Variants in LAMA4 observed in about 807,000 individuals in gnomAD.
LAMA4 encodes the protein laminin subunit alpha 4.
LAMA4 carries 127 observed loss-of-function variants against 207.1 expected under a neutral mutation model. That is an observed-to-expected ratio of 0.61 (90% CI 0.53 to 0.71). LAMA4 has a LOEUF of 0.71. Among genes scored for constraint, LAMA4 ranks in the 30% least tolerant of loss-of-function variants. The pLI is 0.00. For missense variants in LAMA4, 2,093 were observed against 2,246.5 expected (o/e 0.93, Z 1.38); for synonymous variants, 761 against 816.0 (o/e 0.93, Z 1.15).
chr6:112,158,805 G>C lies in LAMA4; in HGVS notation c.1744C>G (p.Leu582Val), dbSNP rs782299829. Residue 582 changes from leucine to valine, a missense_variant, in exon 14 of 39, where the codon CTC (leucine) becomes GTC (valine). Leu to Val is a conservative substitution (Grantham distance 32, BLOSUM62 1). Around this residue, in one of 3 missense-constraint regions of LAMA4, gnomAD observed 1,704 missense variants for 1,788.4 expected, o/e 0.95. Transcript: ENST00000230538. Reference protein sequence around the residue: ...LQVKLSNLSNLSHDLVQEAID... With the variant: ...LQVKLSNLSNVSHDLVQEAID... ...GCTTCTTGGACTAAATCATGGCTGA[G>C]GTTACTTAGGTTAGATAGTTTTACT... 1.2e-6 allele frequency: 2 copies of C among 1,612,294 alleles called. No individual in the cohort carries two copies. The highest frequency in any genetic ancestry group is 2.7e-5 in the African/African-American group (2 of 74,878).
At chr6:112,145,976 A>G (rs1780004262) in intron 18 of LAMA4, among the ~76,000 whole-genome samples, 1 of 152,066 alleles carries the variant, frequency 6.6e-6, no homozygotes, top group Non-Finnish European at 1.5e-5. Flanking sequence ...TTCCTCTTCT[A>G]TGTTTTCTAA....
rs57602663 is a variant in LAMA4 at position 112,136,691 on chromosome 6, CAA to C, written c.3283-439_3283-438del. ...TGGGCTACAGAACGAGACTCTGTCT[CAA>C]AAAAAAAAAAAAAAAGTGACAACTA... On this transcript the variant is annotated intron_variant, in intron 24 of 38. Coordinates refer to ENST00000230538, the MANE Select transcript of LAMA4 (RefSeq NM_001105206.3). Among the ~76,000 whole-genome samples, 194 of 118,154 alleles carry C rather than the reference CAA, an allele frequency of 1.6e-3. 1 individual carries two copies. Among genetic ancestry groups the C allele is most frequent in the East Asian group, 4.0e-3 (18 of 4,510 alleles). 77.5% of individuals were successfully genotyped at this position (118,154 alleles called of 152,430 possible).
intron 2 of LAMA4, chr6:112,236,186 T>G (rs1399356992): frequency 6.6e-6 from 1 of 152,228 alleles, no homozygotes; most frequent in African/African-American, 2.4e-5. Flanking sequence ...GTGACTCAAC[T>G]TCTAGCTCTG....
intron 8 of LAMA4, among the ~76,000 whole-genome samples, chr6:112,185,664 G>A (rs189879727): frequency 1.4e-4 from 22 of 152,296 alleles, no homozygotes; most frequent in African/African-American, 5.1e-4. Context: ...GGCCCTGGGT[G>A]TCTGAGCTTT....
At chr6:112,120,110 A>C (rs1778260874) in intron 33 of LAMA4, among the ~76,000 whole-genome samples, 173 bp downstream of exon 33, 1 of 152,240 alleles carries the variant, frequency 6.6e-6, no homozygotes, top group Non-Finnish European at 1.5e-5. Context: ...CTCTTTTTAA[A>C]TAGTATGCTT....
At position 112,148,189 on chromosome 6, in the gene LAMA4, T is replaced by A; in HGVS notation, c.2321A>T (p.Tyr774Phe). 6.2e-7 allele frequency: 1 copy of A among 1,614,222 alleles called. No individual in the cohort carries two copies. Among genetic ancestry groups the A allele is most frequent in the Non-Finnish European group, 8.5e-7 (1 of 1,180,018 alleles). Residue 774 changes from tyrosine (Y) to phenylalanine (F), a missense_variant, in exon 18 of 39, where the codon TAC becomes TTC. Tyr to Phe is a conservative substitution (Grantham distance 22). Transcript: ENST00000230538. Reference protein sequence around the residue: ...QNLQHFDSSAYNTAVNSARDA... With the variant: ...QNLQHFDSSAFNTAVNSARDA... The stretch of plus-strand genomic sequence containing the variant: ...CCTAGCAGAGTTCACTGCAGTGTTG[T>A]AAGCAGAAGAGTCAAAATGTTGAAG...
chr6:112,214,910 C>T (rs914831573), intron 3 of LAMA4, among the ~76,000 whole-genome samples: 1 of 152,232 alleles, frequency 6.6e-6, no homozygotes, highest in African/African-American at 2.4e-5. Context: ...TCAATAGACT[C>T]TAGCAGGAGG....
At chr6:112,122,288 A>C in intron 31 of LAMA4, 87 bp from the exon 32 acceptor site, 3 of 963,598 alleles carry the variant, frequency 3.1e-6, no homozygotes, top group Non-Finnish European at 3.2e-6. Context: ...AATAAGGATA[A>C]AAAATTATAT....
At chr6:112,216,690 T>C (rs1329540081) in intron 2 of LAMA4, 6 of 539,762 alleles carry the variant, frequency 1.1e-5, no homozygotes, top group Non-Finnish European at 2.0e-5. Context: ...ACTTTTTCCC[T>C]CCTTTCACTT....
chr6:112,143,475 G>A (rs1345653889), intron 19 of LAMA4, among the ~76,000 whole-genome samples: 4 of 152,028 alleles, frequency 2.6e-5, no homozygotes, highest in Non-Finnish European at 4.4e-5. Context: ...GTAGAGACAG[G>A]GTTTTGCCAT....
intron 2 of LAMA4, among the ~76,000 whole-genome samples, chr6:112,244,580 C>T (rs1554188301): frequency 6.6e-6 from 1 of 152,138 alleles, no homozygotes; most frequent in Non-Finnish European, 1.5e-5. Context: ...TCTTGAGTTC[C>T]TCCCTGTGTG....
In LAMA4 at chr6:112,144,867, G is replaced by A; in HGVS notation, c.2420C>T (p.Pro807Leu). ...GATGCTGGCAGAAACGTTGCTTGCA[G>A]GTCGCTTCTGCTCAACCGTACGAAG... Reference protein sequence around the residue: ...DQLRTVEQKRPASNVSASIQR... With the variant: ...DQLRTVEQKRLASNVSASIQR... The change falls in exon 19 of 39, where the codon CCT becomes CTT. Residue 807 changes from proline (P) to leucine (L), a missense_variant. Pro to Leu is a moderately conservative substitution (Grantham distance 98). Coordinates refer to ENST00000230538, the MANE Select transcript of LAMA4 (RefSeq NM_001105206.3). The A allele has an allele frequency of 4.3e-6, 7 of 1,614,048 alleles. No individual in the cohort carries two copies. The highest frequency in any genetic ancestry group is 5.9e-6 in the Non-Finnish European group (7 of 1,180,006).
chr6:112,188,424 C>G (rs1196307411), intron 7 of LAMA4, among the ~76,000 whole-genome samples: 1 of 152,192 alleles, frequency 6.6e-6, no homozygotes, highest in African/African-American at 2.4e-5. Flanking sequence ...CTTGGCATTA[C>G]TTGTGCCTCA....
chr6:112,252,865 A>C (rs1218878286), intron 2 of LAMA4, among the ~76,000 whole-genome samples: 1 of 152,156 alleles, frequency 6.6e-6, no homozygotes, highest in Non-Finnish European at 1.5e-5. Flanking sequence ...TTTATACCAC[A>C]GTGAGAGGTT....
chr6:112,129,940 C>T lies in LAMA4; in HGVS notation c.4069G>A (p.Gly1357Ser). Residue 1357 changes from glycine to serine, a missense_variant, in exon 30 of 39, where the codon GGC becomes AGC. By Grantham distance (56) the Gly-to-Ser change is moderately conservative. Coordinates refer to ENST00000230538, the MANE Select transcript of LAMA4 (RefSeq NM_001105206.3). The stretch of plus-strand genomic sequence containing the variant: ...GCATACTGAGCACTGATTGGTGAGC[C>T]ACCGAAGTAAAACTTCTTTTCACTT... ...QASEKKFYFG[G>S]SPISAQYANF... The T allele has an allele frequency of 6.2e-7, 1 of 1,613,104 alleles. No homozygotes were observed. Among genetic ancestry groups the T allele is most frequent in the Non-Finnish European group, 8.5e-7 (1 of 1,179,500 alleles).
chr6:112,215,946 CT>C (rs1228505594), intron 3 of LAMA4, among the ~76,000 whole-genome samples: 2 of 152,140 alleles, frequency 1.3e-5, no homozygotes, highest in African/African-American at 2.4e-5. Flanking sequence ...ATCTATAGAC[CT>C]GGTTATTTTA....
At chr6:112,208,247 G>A (rs1784177921) in intron 3 of LAMA4, among the ~76,000 whole-genome samples, 1 of 152,164 alleles carries the variant, frequency 6.6e-6, no homozygotes, top group Admixed American at 6.5e-5. Flanking sequence ...AGCTTCAACA[G>A]GACAACTTTT....
At position 112,134,467 on chromosome 6, in the gene LAMA4, C is replaced by G; in HGVS notation, c.3557G>C (p.Arg1186Thr). ...ACAGCTACTTAACAAAAAGCCTTACCTGGATTGTAAGATTTCTGGAGGAGC... is the reference window on the plus strand; with the variant it reads ...ACAGCTACTTAACAAAAAGCCTTACGTGGATTGTAAGATTTCTGGAGGAGC... ...GGAPPEILQSRALRAHLPLDI... is the reference protein window; with the variant it reads ...GGAPPEILQSTALRAHLPLDI... The change falls in exon 26 of 39, where the codon AGG becomes ACG. Residue 1186 changes from arginine to threonine, a missense_variant and splice_region_variant. By Grantham distance (71) the Arg-to-Thr change is moderately conservative. Transcript: ENST00000230538. 1 of 1,613,408 alleles carries G rather than the reference C, an allele frequency of 6.2e-7. No homozygotes were observed. Among genetic ancestry groups the G allele is most frequent in the Non-Finnish European group, 8.5e-7 (1 of 1,179,590 alleles).
At chr6:112,175,214 G>T in intron 11 of LAMA4, 99 bp downstream of exon 11, 1 of 1,148,924 alleles carries the variant, frequency 8.7e-7, no homozygotes, top group Non-Finnish European at 1.3e-6. Flanking sequence ...CTGGAAATTG[G>T]TTGCTTTGAT....
Sources: allele counts gnomAD v4.1 joint callset (sites outside exome capture counted in the v4.1 genomes callset), GRCh38; gene constraint gnomAD v4.1.1; regional missense constraint gnomAD v4.1.1; transcripts MANE v1.5; gene names NCBI Gene and HGNC (gene_info 2026-07-23, HGNC 2026-07-21).